HEPACAM2: variants seen among roughly 807,000 people sequenced by gnomAD.
HEPACAM2 encodes the protein mitotic kinetics regulator.
In HEPACAM2, 49 loss-of-function variants were observed where a neutral mutation model predicts 49.6. The ratio of observed to expected loss-of-function variants is 0.99; its 90% CI spans 0.78 to 1.25. The LOEUF is 1.25. Ranked by LOEUF, HEPACAM2 falls within the 50% of genes most tolerant of loss-of-function variation. HEPACAM2 has a pLI of 0.00. For missense variants in HEPACAM2, 525 were observed against 557.2 expected (o/e 0.94, Z 0.58); for synonymous variants, 197 against 202.9 (o/e 0.97, Z 0.25).
At position 93,208,749 on chromosome 7, in the gene HEPACAM2, G is replaced by A. The variant is rs1459393355; in HGVS notation, c.843C>T (p.Ser281=). The A allele has an allele frequency of 6.2e-7, 1 of 1,613,196 alleles. No individual in the cohort carries two copies. The highest frequency in any genetic ancestry group is 8.5e-7 in the Non-Finnish European group (1 of 1,179,432). Residue 281 remains serine, a synonymous_variant, in exon 4 of 10, where the codon TCC becomes TCT. Coordinates refer to ENST00000394468, the MANE Select transcript of HEPACAM2 (RefSeq NM_001039372.4). ...SADSHPPNTY[S]WIRRTDNTTY... ...TAGTATTGTCAGTCCTCCTAATCCAGGAGTAGGTGTTGGGGGGATGAGAAT... is the reference window on the plus strand; with the variant it reads ...TAGTATTGTCAGTCCTCCTAATCCAAGAGTAGGTGTTGGGGGGATGAGAAT...
At chr7:93,209,057 T>A (rs1794110332) in intron 3 of HEPACAM2, among the ~76,000 whole-genome samples, 181 bp from the exon 4 acceptor site, 1 of 152,046 alleles carries the variant, frequency 6.6e-6, no homozygotes, top group Admixed American at 6.6e-5. Flanking sequence ...TATTCTGATA[T>A]CGATGAAAGT....
intron 1 of HEPACAM2, among the ~76,000 whole-genome samples, chr7:93,221,438 C>T (rs1794448685): frequency 6.6e-6 from 1 of 152,108 alleles, no homozygotes; most frequent in African/African-American, 2.4e-5. Context: ...GATCTGTTTG[C>T]CTTTTGTGAT....
At chr7:93,224,019 T>C (rs1794497670) in intron 1 of HEPACAM2, among the ~76,000 whole-genome samples, 1 of 152,170 alleles carries the variant, frequency 6.6e-6, no homozygotes, top group Non-Finnish European at 1.5e-5. Context: ...CTTAGCTTCA[T>C]TTTGAGAAAT....
chr7:93,197,190 T>A (rs771948307), intron 7 of HEPACAM2, 51 bp downstream of exon 7: 1 of 1,317,346 alleles, frequency 7.6e-7, no homozygotes, highest in Non-Finnish European at 1.0e-6. Flanking sequence ...TTAACACAAC[T>A]AATTAACATA....
At chr7:93,189,343 A>AG in intron 9 of HEPACAM2, 73 bp from the exon 10 acceptor site, 6 of 1,033,146 alleles carry the variant, frequency 5.8e-6, no homozygotes, top group Non-Finnish European at 8.4e-6. Flanking sequence ...AGAACTTTAA[A>AG]TTCTTTTATT....
intron 4 of HEPACAM2, among the ~76,000 whole-genome samples, chr7:93,202,032 C>CAAAAAAAAAAAAAAAAAAAAAAA (rs71998232): frequency 9.8e-6 from 1 of 102,008 alleles, no homozygotes; most frequent in East Asian, 2.8e-4. Context: ...AAAAAAAAAC[C>CAAAAAAAAAAAAAAAAAAAAAAA]AAAAAAAAAA....
At chr7:93,219,749 A>C (rs912836849) in intron 1 of HEPACAM2, among the ~76,000 whole-genome samples, 1 of 152,240 alleles carries the variant, frequency 6.6e-6, no homozygotes, top group African/African-American at 2.4e-5. Context: ...AAAGTTTACT[A>C]CTTCTAAAGT....
At chr7:93,207,627 G>GGAAT (rs149980602) in intron 4 of HEPACAM2, among the ~76,000 whole-genome samples, 2,296 of 152,040 alleles carry the variant, frequency 0.015, 124 homozygotes, top group East Asian at 0.11. Context: ...ATAGGCAAGA[G>GGAAT]GAATGAGTCT....
chr7:93,218,502 T>C (rs1397371248), intron 2 of HEPACAM2, among the ~76,000 whole-genome samples: 4 of 152,138 alleles, frequency 2.6e-5, no homozygotes, highest in African/African-American at 9.7e-5. Flanking sequence ...AATTTGTATT[T>C]ATTAAAATGG....
intron 3 of HEPACAM2, among the ~76,000 whole-genome samples, chr7:93,212,924 T>C (rs1794211883): frequency 6.6e-6 from 1 of 152,088 alleles, no homozygotes; most frequent in Non-Finnish European, 1.5e-5. Flanking sequence ...GGATTATGGT[T>C]TACTTTCTTG....
rs1283372829 is a variant in HEPACAM2, at chr7:93,192,259, A to G, written c.1380T>C (p.His460=). ...AAATGCAGATTCGTACTTACTCTGGATGGTCTTGCTGCTGGGCAGGGATGT... is the reference window on the plus strand; with the variant it reads ...AAATGCAGATTCGTACTTACTCTGGGTGGTCTTGCTGCTGGGCAGGGATGT... ...IQHIPAQQQD[H]PE The change falls in exon 9 of 10, where the codon CAT becomes CAC. Residue 460 remains histidine, a synonymous_variant. Transcript: ENST00000394468. 7 of 1,609,816 alleles carry G rather than the reference A, an allele frequency of 4.3e-6. No homozygotes were observed. Among genetic ancestry groups the G allele is most frequent in the Admixed American group, 1.7e-5 (1 of 59,858 alleles).
intron 6 of HEPACAM2, 46 bp downstream of exon 6, chr7:93,197,327 A>G (rs1396449270): frequency 4.4e-6 from 7 of 1,606,326 alleles, no homozygotes; most frequent in African/African-American, 1.3e-5. Context: ...ATTGAGGAAT[A>G]AGCATCTAAG....
Position 93,208,642 on chromosome 7 carries a change from G to T in HEPACAM2, c.950C>A (p.Ala317Asp). Residue 317 changes from alanine (A) to aspartate (D), a missense_variant, in exon 4 of 10, where the codon GCT (alanine) becomes GAT (aspartate). By Grantham distance (126) the Ala-to-Asp change is moderately radical. Transcript: ENST00000394468. ...AQKTMDYVCC[A>D]YNNITGRQDE... ...TTGCCTGCCGGTTATGTTGTTGTAA[G>T]CACAGCACACATAGTCCATTGTCTT... is the stretch of plus-strand genomic sequence containing the variant. 6.2e-7 allele frequency: 1 copy of T among 1,613,160 alleles called. No homozygotes were observed. Among genetic ancestry groups the T allele is most frequent in the Middle Eastern group, 1.7e-4 (1 of 6,048 alleles).
chr7:93,204,362 C>G (rs1793974400), intron 4 of HEPACAM2, among the ~76,000 whole-genome samples: 1 of 151,180 alleles, frequency 6.6e-6, no homozygotes, highest in Non-Finnish European at 1.5e-5. Flanking sequence ...ATCTATCTAT[C>G]TATCTATCTA....
chr7:93,197,737 C>T lies in HEPACAM2; in HGVS notation c.1013-127G>A, dbSNP rs376182170. 233 of 626,814 alleles carry T rather than the reference C, an allele frequency of 3.7e-4. 2 individuals carry two copies. Among genetic ancestry groups the T allele is most frequent in the South Asian group, 1.1e-3 (43 of 40,222 alleles). The allele number at this position is 626,814 out of a possible 1,614,324, so 38.8% of individuals were successfully genotyped here. On this transcript the variant is annotated intron_variant, in intron 4 of 9. Transcript: ENST00000394468. Reference sequence around the variant, plus strand: ...TATAAACACGTATATTAGAGACACACAGAGAGAGAGAGAGACCAAATGGAA... The same window carrying T: ...TATAAACACGTATATTAGAGACACATAGAGAGAGAGAGAGACCAAATGGAA...
Position 93,208,483 on chromosome 7 carries a change from A to G in HEPACAM2, c.1012+97T>C, listed in dbSNP as rs540662968. ...TTTAGAATATATGAATAATCCCACA[A>G]TGATTTTCTTTTCTACCTAGGTATA... On this transcript the variant is annotated intron_variant, in intron 4 of 9. Transcript: ENST00000394468. 4.1e-4 allele frequency: 427 copies of G among 1,029,528 alleles called. 1 individual carries two copies. The Middle Eastern group carries it at 5.2e-3, about 12-fold the overall frequency. 63.8% of individuals were successfully genotyped at this position (1,029,528 alleles called of 1,614,324 possible).
At chr7:93,212,325 T>C (rs530699796) in intron 3 of HEPACAM2, among the ~76,000 whole-genome samples, 2 of 152,158 alleles carry the variant, frequency 1.3e-5, no homozygotes, top group South Asian at 4.2e-4. Context: ...TTCTCTTCTG[T>C]CTGTTTTATT....
chr7:93,197,221 C>A lies in HEPACAM2; in HGVS notation c.1201+20G>T, dbSNP rs745400748. The stretch of plus-strand genomic sequence containing the variant: ...ACATACATTAAAACTGATAATAGCC[C>A]TTTTCAGCTTGGCCATTACCTGAAA... On this transcript the variant is annotated intron_variant, in intron 7 of 9. Coordinates refer to ENST00000394468, the MANE Select transcript of HEPACAM2 (RefSeq NM_001039372.4). 25 of 1,600,768 alleles carry A rather than the reference C, an allele frequency of 1.6e-5. No individual in the cohort carries two copies. Among genetic ancestry groups the A allele is most frequent in the Non-Finnish European group, 1.7e-6 (2 of 1,172,044 alleles).
Position 93,208,726 on chromosome 7 carries a change from G to A in HEPACAM2, c.866C>T (p.Thr289Ile). 2.5e-6 allele frequency: 4 copies of A among 1,613,162 alleles called. No individual in the cohort carries two copies. Among genetic ancestry groups the A allele is most frequent in the South Asian group, 1.1e-5 (1 of 91,052 alleles). ...AGGCCCATGCTTAATGATATATGTA[G>A]TATTGTCAGTCCTCCTAATCCAGGA... Reference protein sequence around the residue: ...TYSWIRRTDNTTYIIKHGPRL... With the variant: ...TYSWIRRTDNITYIIKHGPRL... The change falls in exon 4 of 10, where the codon ACT becomes ATT. Residue 289 changes from threonine to isoleucine, a missense_variant. Physicochemically the swap from Thr to Ile is moderately conservative, Grantham distance 89 (BLOSUM62 -1). Transcript: ENST00000394468.
Sources: allele counts gnomAD v4.1 joint callset (sites outside exome capture counted in the v4.1 genomes callset), GRCh38; gene constraint gnomAD v4.1.1; transcripts MANE v1.5; gene names NCBI Gene and HGNC (gene_info 2026-07-23, HGNC 2026-07-21).